Variants in ADAMTS9 observed in about 807,000 individuals in gnomAD.
ADAMTS9 encodes the protein ADAM metallopeptidase with thrombospondin type 1 motif 9.
A neutral mutation model predicts 257.1 loss-of-function variants in ADAMTS9; 107 were observed. That is an observed-to-expected ratio of 0.42 (90% CI 0.36 to 0.49). The LOEUF is 0.49. Ranked by LOEUF, ADAMTS9 falls within the 20% of genes least tolerant of loss-of-function variation. The pLI is 0.03. For missense variants in ADAMTS9, 2,353 were observed against 2,469.1 expected, an observed-to-expected ratio of 0.95 and a Z score of 1.00; for synonymous variants, 982 against 880.9, an observed-to-expected ratio of 1.11 and a Z score of -2.03.
At chr3:64,629,592 C>T (rs1442709972) in intron 16 of ADAMTS9, among the ~76,000 whole-genome samples, 4 of 152,210 alleles carry the variant, frequency 2.6e-5, no homozygotes, top group African/African-American at 4.8e-5. Context: ...CTTGGTATCC[C>T]GATTTGCCTT....
intron 26 of ADAMTS9, among the ~76,000 whole-genome samples, chr3:64,599,524 C>T (rs1209184539): frequency 6.6e-6 from 1 of 152,178 alleles, no homozygotes; most frequent in African/African-American, 2.4e-5. Flanking sequence ...GCCCAATTTC[C>T]TTTAAGAAAA....
intron 30 of ADAMTS9, among the ~76,000 whole-genome samples, chr3:64,553,588 T>A (rs576898564): frequency 1.2e-4 from 18 of 152,310 alleles, no homozygotes; most frequent in South Asian, 2.1e-4. Context: ...GGTCATATAG[T>A]ATGCCCCGTG....
intron 26 of ADAMTS9, among the ~76,000 whole-genome samples, chr3:64,601,450 C>T (rs1251295461): frequency 1.3e-5 from 2 of 152,182 alleles, no homozygotes; most frequent in Non-Finnish European, 2.9e-5. Flanking sequence ...CTCCTAAGCA[C>T]AAATCTTACC....
At chr3:64,570,298 A>C (rs1010941995) in intron 28 of ADAMTS9, among the ~76,000 whole-genome samples, 66 of 152,282 alleles carry the variant, frequency 4.3e-4, no homozygotes, top group African/African-American at 1.5e-3. Context: ...GACAAAAATA[A>C]ATATATGATT....
At chr3:64,523,056 G>A (rs1050773585) in intron 38 of ADAMTS9, among the ~76,000 whole-genome samples, 1 of 152,088 alleles carries the variant, frequency 6.6e-6, no homozygotes, top group African/African-American at 2.4e-5. Flanking sequence ...AAATGAGTAA[G>A]TTTCCAAGTT....
chr3:64,618,553 C>A (rs1700023430), intron 19 of ADAMTS9, among the ~76,000 whole-genome samples: 1 of 152,150 alleles, frequency 6.6e-6, no homozygotes, highest in African/African-American at 2.4e-5. Flanking sequence ...AATTAAGTGA[C>A]CCTAGTTGCG....
At chr3:64,623,919 T>C (rs533755849) in intron 16 of ADAMTS9, among the ~76,000 whole-genome samples, 2 of 152,220 alleles carry the variant, frequency 1.3e-5, no homozygotes, top group South Asian at 2.1e-4. Flanking sequence ...AAATCAGTGA[T>C]GCTGCAAAAG....
intron 3 of ADAMTS9, among the ~76,000 whole-genome samples, chr3:64,667,421 G>C (rs981793418): frequency 1.3e-5 from 2 of 152,186 alleles, no homozygotes; most frequent in South Asian, 4.1e-4. Flanking sequence ...ACCATCACTA[G>C]AACTATAACA....
Position 64,686,595 on chromosome 3 carries a change from C to T in ADAMTS9, c.489G>A (p.Thr163=). 8 of 1,612,578 alleles carry T rather than the reference C, an allele frequency of 5.0e-6. No individual in the cohort carries two copies. The highest frequency in any genetic ancestry group is 1.1e-5 in the South Asian group (1 of 90,676). ...TTCCTGAGCAGAGGCTGATGACGGC[C>T]GTGTGCTCGGAGTTGGTATTGACAT... is the stretch of plus-strand genomic sequence containing the variant. The part of the protein sequence containing the change: ...KGYVNTNSEH[T]AVISLCSGML... The change falls in exon 2 of 40, where the codon ACG becomes ACA. Residue 163 remains threonine, a synonymous_variant. Transcript: ENST00000498707. This position sits in a 1 kb window ranked among gnomAD's most constrained non-coding sequence, Gnocchi z 4.6.
intron 30 of ADAMTS9, among the ~76,000 whole-genome samples, chr3:64,553,934 C>A (rs1576010787): frequency 6.6e-6 from 1 of 151,832 alleles, no homozygotes; most frequent in Middle Eastern, 3.4e-3. Flanking sequence ...AGATAGAGGG[C>A]CACCGAATGT....
Position 64,621,204 on chromosome 3 carries a change from G to A in ADAMTS9, c.2723C>T (p.Ser908Phe), listed in dbSNP as rs1700095007. The A allele has an allele frequency of 6.8e-6, 11 of 1,613,692 alleles. No individual in the cohort carries two copies. The highest frequency in any genetic ancestry group is 9.3e-6 in the Non-Finnish European group (11 of 1,179,894). ...TTGATCAGAAACAGTAAGCTGATCA[G>A]ATTCCCTGGTGCAAACAAGTTTTCG... ...RKRKLVCTRE[S>F]DQLTVSDQRC... is the part of the protein sequence containing the mutation. Residue 908 changes from serine to phenylalanine, a missense_variant, in exon 19 of 40, where the codon TCT becomes TTT. Transcript: ENST00000498707.
At chr3:64,634,235 C>T (rs532863964) in intron 12 of ADAMTS9, among the ~76,000 whole-genome samples, 8 of 152,220 alleles carry the variant, frequency 5.3e-5, no homozygotes, top group African/African-American at 1.7e-4. Flanking sequence ...TTCTTCCCAA[C>T]ATTCATGGTG....
At chr3:64,592,305 G>A (rs1317589457) in intron 28 of ADAMTS9, 1 of 152,124 alleles carries the variant, frequency 6.6e-6, no homozygotes, top group Non-Finnish European at 1.5e-5. Flanking sequence ...AAAAATGCGT[G>A]CACTTGCTTC....
intron 30 of ADAMTS9, among the ~76,000 whole-genome samples, chr3:64,557,044 C>A (rs535556196): frequency 1.3e-5 from 2 of 152,012 alleles, no homozygotes; most frequent in African/African-American, 4.8e-5. Flanking sequence ...CAGTAATCTG[C>A]GTGTGTTGTG....
chr3:64,545,210 A>G (rs2083181362), intron 32 of ADAMTS9, among the ~76,000 whole-genome samples: 1 of 152,232 alleles, frequency 6.6e-6, no homozygotes, highest in Non-Finnish European at 1.5e-5. Flanking sequence ...CTATTCCTCA[A>G]GGATCTAGAA....
intron 14 of ADAMTS9, among the ~76,000 whole-genome samples, chr3:64,632,260 T>C (rs1255014820): frequency 6.6e-6 from 1 of 152,122 alleles, no homozygotes; most frequent in African/African-American, 2.4e-5. Flanking sequence ...GTAAGCACAG[T>C]AATTTTTTAA....
At chr3:64,553,513 A>T (rs2083295215) in intron 30 of ADAMTS9, among the ~76,000 whole-genome samples, 1 of 152,130 alleles carries the variant, frequency 6.6e-6, no homozygotes, top group South Asian at 2.1e-4. Context: ...ATGAACATTC[A>T]TGTACAAATT....
intron 38 of ADAMTS9, among the ~76,000 whole-genome samples, chr3:64,524,121 T>C (rs1040497530): frequency 1.3e-5 from 2 of 152,360 alleles, no homozygotes; most frequent in Admixed American, 1.3e-4. Flanking sequence ...ATGTCTTCTC[T>C]ATTACACACA....
At chr3:64,621,338 C>G (rs931135959) in intron 18 of ADAMTS9, 98 bp from the exon 19 acceptor site, 12 of 1,334,366 alleles carry the variant, frequency 9.0e-6, no homozygotes, top group Middle Eastern at 2.6e-4. Context: ...AAGAGCCAGA[C>G]AGTAAATATC....
Sources: gnomAD v4.1 joint callset for allele counts (sites outside exome capture counted in the v4.1 genomes callset) on GRCh38, gnomAD v4.1.1 for gene constraint, Gnocchi (gnomAD v3.1) non-coding constraint, MANE v1.5 for transcripts, NCBI Gene and HGNC (gene_info 2026-07-23, HGNC 2026-07-21) for gene names.